The following AMELX variants were observed in gnomAD, a reference collection of about 807,000 sequenced individuals.
AMELX encodes amelogenin X-linked, also known as amelogenin, X isoform.
Under a neutral mutation model 15.8 loss-of-function variants are expected in AMELX, and 9 were observed. That is an observed-to-expected ratio of 0.57 (90% confidence interval 0.34 to 0.99). The LOEUF (loss-of-function observed/expected upper bound fraction) is 0.99, where lower values mean the gene tolerates loss of function less well. Among genes scored for constraint, AMELX ranks in the 50% least tolerant of loss-of-function variants. The pLI is 0.02. For missense variants in AMELX, 107 were observed against 156.2 expected (o/e 0.68, Z 1.68); for synonymous variants, 61 against 58.8 (o/e 1.04, Z -0.17).
At chrX:11,303,234 T>C (rs2048192895), downstream of AMELX, among the ~76,000 whole-genome samples, 2 of 112,830 alleles carry the variant, frequency 1.8e-5, no homozygotes, top group Admixed American at 9.4e-5. Flanking sequence ...ATTTTTGTGA[T>C]TTGGCTTTCA....
chrX:11,300,592 T>C lies in AMELX; in HGVS notation c.571-15T>C. ...TTGTAAATTATTTTAACTGTTCTTT[T>C]GCAATTTTTTTCAGGATTAAAAGAT... On this transcript the variant is annotated splice_polypyrimidine_tract_variant and intron_variant, in intron 5 of 5. Transcript: ENST00000380714. The C allele has an allele frequency of 8.4e-7, 1 of 1,187,844 alleles. No homozygotes were observed. Among genetic ancestry groups the C allele is most frequent in the Non-Finnish European group, 1.1e-6 (1 of 874,920 alleles).
At chrX:11,308,198 A>G in the AMELX span, among the ~76,000 whole-genome samples, 1,289 of 112,026 alleles carry the variant, frequency 0.012, 26 homozygotes, top group African/African-American at 0.039. Context: ...ATAAACCAAT[A>G]TAAGTTTAGG....
At chrX:11,294,946 C>T in intron 2 of AMELX, 104 bp downstream of exon 2, 1 of 875,995 alleles carries the variant, frequency 1.1e-6, no homozygotes, top group Non-Finnish European at 1.7e-6. Flanking sequence ...AGTATGAGAT[C>T]AGATGTCTTC....
the AMELX span, among the ~76,000 whole-genome samples, chrX:11,308,367 A>T: frequency 9.0e-6 from 1 of 111,617 alleles, no homozygotes; most frequent in African/African-American, 3.3e-5. Flanking sequence ...TGGAATCATT[A>T]AAAAAAATAA....
At chrX:11,302,300 A>G (rs1392811173), downstream of AMELX, among the ~76,000 whole-genome samples, 1 of 111,890 alleles carries the variant, frequency 8.9e-6, no homozygotes, top group East Asian at 2.8e-4. Flanking sequence ...AAGTTGAAAA[A>G]TAATTCTTAT....
At chrX:11,301,262 C>T (rs1305178634), downstream of AMELX, among the ~76,000 whole-genome samples, 2 of 111,747 alleles carry the variant, frequency 1.8e-5, no homozygotes, top group Non-Finnish European at 3.8e-5. Context: ...AATTTGTTTT[C>T]CTCAAAAAAT....
chrX:11,301,588 G>T (rs2048175808), downstream of AMELX, among the ~76,000 whole-genome samples: 1 of 111,754 alleles, frequency 8.9e-6, no homozygotes, highest in South Asian at 3.7e-4. Flanking sequence ...TTTATTGGGA[G>T]GGTGTCAATA....
chrX:11,309,262 A>G, the AMELX span, among the ~76,000 whole-genome samples: 1 of 111,324 alleles, frequency 9.0e-6, no homozygotes, highest in Non-Finnish European at 1.9e-5. Context: ...GGGTTCTTAC[A>G]CCTCAGCAAT....
chrX:11,303,765 T>C (rs1424118444), downstream of AMELX, among the ~76,000 whole-genome samples: 1 of 110,963 alleles, frequency 9.0e-6, no homozygotes, highest in African/African-American at 3.3e-5. Context: ...TGGTAGGGGG[T>C]GCAGCCTCCA....
Position 11,298,985 on chromosome X carries a change from T to C in AMELX, c.570+12T>C. On this transcript the variant is annotated intron_variant, in intron 5 of 5. Transcript: ENST00000380714. Reference sequence around the variant, plus strand: ...AGCGGGAGGAAGTGGTGAGTATATTTTGAAGCCACTACAATGCAAATCCTG... The same window carrying C: ...AGCGGGAGGAAGTGGTGAGTATATTCTGAAGCCACTACAATGCAAATCCTG... 8.3e-7 allele frequency: 1 copy of C among 1,206,411 alleles called. No homozygotes were observed. The highest frequency in any genetic ancestry group is 1.1e-6 in the Non-Finnish European group (1 of 892,715).
chrX:11,300,480 TTA>T (rs1056208285), intron 5 of AMELX, 125 bp from the exon 6 acceptor site: 1 of 544,716 alleles, frequency 1.8e-6, no homozygotes, highest in Non-Finnish European at 3.0e-6. Flanking sequence ...ACTTCAGAAA[TTA>T]TAGAGTTCAA....
intron 5 of AMELX, among the ~76,000 whole-genome samples, chrX:11,299,736 CAT>C (rs930136966): frequency 9.0e-6 from 1 of 111,375 alleles, no homozygotes; most frequent in African/African-American, 3.3e-5. Flanking sequence ...CCAATTTATA[CAT>C]GTTATTGATG....
chrX:11,308,104 A>T, the AMELX span, among the ~76,000 whole-genome samples: 2 of 112,403 alleles, frequency 1.8e-5, no homozygotes, highest in African/African-American at 6.5e-5. Flanking sequence ...ATGTGGCCTG[A>T]TCATATTGTT....
downstream of AMELX, among the ~76,000 whole-genome samples, chrX:11,303,723 C>A (rs952718529): frequency 2.7e-5 from 3 of 111,342 alleles, no homozygotes; most frequent in Non-Finnish European, 5.7e-5. Context: ...GTTAAGTGTC[C>A]ACAGAAGCAC....
downstream of AMELX, among the ~76,000 whole-genome samples, chrX:11,301,361 G>T (rs1603044560): frequency 8.9e-6 from 1 of 112,038 alleles, no homozygotes; most frequent in African/African-American, 3.2e-5. Flanking sequence ...AAATTGTACT[G>T]TATAGTCTTC....
At chrX:11,300,765 A>G (rs2048164054), downstream of AMELX, 1 of 537,088 alleles carries the variant, frequency 1.9e-6, no homozygotes, top group Non-Finnish European at 3.2e-6. Flanking sequence ...AAAATCATTC[A>G]TGTCTTTGTG....
intron 2 of AMELX, 133 bp downstream of exon 2, chrX:11,294,975 G>A: frequency 1.4e-6 from 1 of 737,691 alleles, no homozygotes; most frequent in Non-Finnish European, 2.1e-6. Flanking sequence ...CTGGGTTGAA[G>A]AAACACTTCA....
downstream of AMELX, chrX:11,300,854 C>A: frequency 3.5e-6 from 1 of 282,925 alleles, no homozygotes. Context: ...AGGAACTGCT[C>A]ATTTAGTCAT....
chrX:11,306,097 T>C, the AMELX span, among the ~76,000 whole-genome samples: 1 of 111,699 alleles, frequency 9.0e-6, no homozygotes, highest in South Asian at 3.8e-4. Flanking sequence ...TCTAGAAATC[T>C]TCTCTCACTG....
Sources: allele counts gnomAD v4.1 joint callset (sites outside exome capture counted in the v4.1 genomes callset), GRCh38; gene constraint gnomAD v4.1.1; transcripts MANE v1.5; gene names NCBI Gene and HGNC (gene_info 2026-07-23, HGNC 2026-07-21).